Variants in ASIC2 observed in about 807,000 individuals in gnomAD.
ASIC2 encodes acid sensing ion channel subunit 2, also known as acid-sensing ion channel 2.
ASIC2 carries 25 observed loss-of-function variants against 57.3 expected under a neutral mutation model. That is an observed-to-expected ratio of 0.44 (90% confidence interval 0.32 to 0.61). The LOEUF is 0.61. Ranked by LOEUF, ASIC2 falls within the 20% of genes least tolerant of loss-of-function variation. The pLI is 0.06. For missense variants in ASIC2, 641 were observed against 738.1 expected (o/e 0.87, Z 1.52); for synonymous variants, 319 against 307.5 (o/e 1.04, Z -0.39).
chr17:33,023,288 C>A lies in ASIC2; in HGVS notation c.1349+573G>T, dbSNP rs150774001. On this transcript the variant is annotated intron_variant, in intron 6 of 9. Coordinates refer to ENST00000225823, the MANE Select transcript of ASIC2 (RefSeq NM_183377.2). ...GGATCATGAGGTCAGGAGATCGAGA[C>A]CATTCTGGCTAACACACGGTGAAAC... 2.8e-3 allele frequency among the ~76,000 whole-genome samples: 419 copies of A among 152,156 alleles called. 2 individuals carry two copies. Among genetic ancestry groups the A allele is most frequent in the African/African-American group, 9.8e-3 (406 of 41,512 alleles).
At position 34,053,889 on chromosome 17, in the gene ASIC2, A is replaced by G. The variant is rs141064993; in HGVS notation, c.555+102089T>C. Among the ~76,000 whole-genome samples, 20 of 152,350 alleles carry G rather than the reference A, an allele frequency of 1.3e-4. 1 individual carries two copies. The East Asian group carries it at 3.9e-3, about 29-fold the overall frequency. ...GTGTGCTCCTCTGTCTATGAAAGCC[A>G]TGCCCAGAGTCTTCCTTTCTCAGTC... On this transcript the variant is annotated intron_variant, in intron 1 of 9. Coordinates refer to the ASIC2 transcript ENST00000359872.
chr17:33,396,307 A>C (rs1371986462), intron 1 of ASIC2, among the ~76,000 whole-genome samples: 4 of 152,146 alleles, frequency 2.6e-5, no homozygotes, highest in African/African-American at 9.7e-5. Context: ...CCTTTGTAAC[A>C]ATTACGGTTC....
intron 1 of ASIC2, among the ~76,000 whole-genome samples, chr17:33,427,828 T>C (rs572601831): frequency 1.3e-5 from 2 of 152,142 alleles, no homozygotes; most frequent in Admixed American, 1.3e-4. Context: ...AATATGACTA[T>C]CCTATGTAAC....
At chr17:33,801,577 G>A (rs1156606069) in intron 1 of ASIC2, among the ~76,000 whole-genome samples, 1 of 152,002 alleles carries the variant, frequency 6.6e-6, no homozygotes, top group Non-Finnish European at 1.5e-5. Flanking sequence ...CAATAAAACA[G>A]GGGTAAGAAA....
At chr17:33,631,036 A>T (rs1906149454) in intron 1 of ASIC2, among the ~76,000 whole-genome samples, 2 of 152,216 alleles carry the variant, frequency 1.3e-5, no homozygotes, top group Admixed American at 1.3e-4. Context: ...CTCAGATTGG[A>T]GTAAAGTTGG....
intron 9 of ASIC2, among the ~76,000 whole-genome samples, chr17:33,014,894 C>T (rs112079321): frequency 8.5e-5 from 13 of 152,056 alleles, no homozygotes; most frequent in African/African-American, 2.7e-4. Flanking sequence ...TCACTGAACT[C>T]GGATGACAGC....
At chr17:33,940,679 G>C (rs1916169943) in intron 1 of ASIC2, among the ~76,000 whole-genome samples, 1 of 152,224 alleles carries the variant, frequency 6.6e-6, no homozygotes, top group Non-Finnish European at 1.5e-5. Context: ...CCTAGCAGGG[G>C]ACATAGTTAT....
intron 1 of ASIC2, among the ~76,000 whole-genome samples, chr17:33,872,670 C>A (rs1914448011): frequency 6.6e-6 from 1 of 152,150 alleles, no homozygotes; most frequent in African/African-American, 2.4e-5. Context: ...GGAAGGAACA[C>A]CCCTTAAGAC....
chr17:33,264,678 CT>C (rs1909400970), intron 1 of ASIC2, among the ~76,000 whole-genome samples: 1 of 152,192 alleles, frequency 6.6e-6, no homozygotes, highest in African/African-American at 2.4e-5. Context: ...TTTGGTCCCC[CT>C]GTTTCCACCT....
rs183016291 is a variant in ASIC2 at position 34,007,478 on chromosome 17, A to G, written c.555+148500T>C. 5.2e-3 allele frequency among the ~76,000 whole-genome samples: 786 copies of G among 152,292 alleles called. 1 individual carries two copies. The highest frequency in any genetic ancestry group is 0.013 in the South Asian group (62 of 4,820). On this transcript the variant is annotated intron_variant, in intron 1 of 9. Coordinates refer to the ASIC2 transcript ENST00000359872. The stretch of plus-strand genomic sequence containing the variant: ...TGTGTTCTAGACTGGGAGTGCTGGG[A>G]TAAGCTGCTTACACTTAACTCAGAG...
chr17:33,165,461 G>A (rs982625703), intron 1 of ASIC2, among the ~76,000 whole-genome samples: 5 of 152,142 alleles, frequency 3.3e-5, no homozygotes, highest in Non-Finnish European at 7.3e-5. Flanking sequence ...AAGGGTGTGT[G>A]TGTGTGTGCG....
chr17:33,787,135 C>T (rs182717644), intron 1 of ASIC2, among the ~76,000 whole-genome samples: 213 of 152,294 alleles, frequency 1.4e-3, no homozygotes, highest in African/African-American at 4.8e-3. Flanking sequence ...GCTCTCACAG[C>T]GTGCTCACAA....
At chr17:33,799,416 TTTCTTTCTTTCTTC>T (rs1567718992) in intron 1 of ASIC2, among the ~76,000 whole-genome samples, 4 of 69,262 alleles carry the variant, frequency 5.8e-5, no homozygotes, top group African/African-American at 2.3e-4. Flanking sequence ...TCTTTCTTTC[TTTCTTTCTTTCTTC>T]TTTCTTTCTT....
chr17:34,127,660 G>C (rs949505284), intron 1 of ASIC2, among the ~76,000 whole-genome samples: 4 of 152,214 alleles, frequency 2.6e-5, no homozygotes, highest in Admixed American at 2.6e-4. Flanking sequence ...GCAGCTGGGG[G>C]CTTCAGCTCC....
At chr17:33,087,371 T>A (rs549228445) in intron 3 of ASIC2, among the ~76,000 whole-genome samples, 1 of 151,968 alleles carries the variant, frequency 6.6e-6, no homozygotes. Context: ...TGGGATCCCA[T>A]AGAGGCCAGG....
At chr17:33,958,753 G>A (rs1467536442) in intron 1 of ASIC2, among the ~76,000 whole-genome samples, 1 of 152,172 alleles carries the variant, frequency 6.6e-6, no homozygotes, top group Non-Finnish European at 1.5e-5. Flanking sequence ...CTGTTGTCTT[G>A]GTGATTAACA....
At chr17:33,643,939 T>A (rs1172998339) in intron 1 of ASIC2, among the ~76,000 whole-genome samples, 1 of 152,132 alleles carries the variant, frequency 6.6e-6, no homozygotes, top group Non-Finnish European at 1.5e-5. Flanking sequence ...GGTATAAAGA[T>A]CTTATAATTA....
intron 1 of ASIC2, among the ~76,000 whole-genome samples, chr17:33,232,579 T>C (rs62067896): frequency 0.21 from 31,722 of 152,118 alleles, 3,747 homozygotes; most frequent in Non-Finnish European, 0.27. Context: ...TACTTTGTTT[T>C]GTATTTGTGC....
chr17:33,593,040 C>T (rs1904871846), intron 1 of ASIC2, among the ~76,000 whole-genome samples: 1 of 152,162 alleles, frequency 6.6e-6, no homozygotes, highest in Non-Finnish European at 1.5e-5. Context: ...TCTATTTTTA[C>T]CTGCAAAGTA....
Sources: allele counts gnomAD v4.1 joint callset (sites outside exome capture counted in the v4.1 genomes callset), GRCh38; gene constraint gnomAD v4.1.1; transcripts MANE v1.5; gene names NCBI Gene and HGNC (gene_info 2026-07-23, HGNC 2026-07-21).